PSMG2: variants seen among roughly 807,000 people sequenced by gnomAD.
The protein encoded by PSMG2 is CD40 ligand-activated specific transcript 3.
In PSMG2, 21 loss-of-function variants were observed where a neutral mutation model predicts 31.5. The observed-to-expected ratio is 0.67, with a 90% CI of 0.47 to 0.96. The LOEUF (loss-of-function observed/expected upper bound fraction) is 0.96, where lower values mean the gene tolerates loss of function less well. PSMG2 is among the 40% of genes least tolerant of loss of function. PSMG2 has a pLI of 0.00. For missense variants in PSMG2, 318 were observed against 321.2 expected, an observed-to-expected ratio of 0.99 and a Z score of 0.08; for synonymous variants, 120 against 110.4, an observed-to-expected ratio of 1.09 and a Z score of -0.54.
chr18:12,724,941 T>C (rs1389332288), intron 6 of PSMG2: 1 of 360,322 alleles, frequency 2.8e-6, no homozygotes, highest in Non-Finnish European at 4.9e-6. Flanking sequence ...CAGGAATTTT[T>C]TTAGGGAAGT....
upstream of PSMG2, chr18:12,702,639 T>C: frequency 1.4e-6 from 2 of 1,418,262 alleles, no homozygotes; most frequent in Non-Finnish European, 1.9e-6. Flanking sequence ...TAGGAGCGAC[T>C]GGAGCACAAA....
chr18:12,680,852 T>C (rs368605554), intron 1 of PSMG2: 16 of 1,576,116 alleles, frequency 1.0e-5, no homozygotes, highest in Middle Eastern at 1.7e-4. Context: ...TAAAATGAAG[T>C]ATTCATTCTT....
chr18:12,662,418 C>T (rs1335212036), intron 1 of PSMG2, among the ~76,000 whole-genome samples: 3 of 152,204 alleles, frequency 2.0e-5, no homozygotes, highest in Admixed American at 6.5e-5. Context: ...GAATTCAGGC[C>T]TCCTGACCAG....
chr18:12,709,324 G>GT (rs1185517601), intron 2 of PSMG2, among the ~76,000 whole-genome samples: 2 of 151,498 alleles, frequency 1.3e-5, no homozygotes, highest in Non-Finnish European at 2.9e-5. Flanking sequence ...GATTACAGGC[G>GT]TGAGCCACCG....
rs1010789568 is a variant in PSMG2 at position 12,703,054 on chromosome 18, C to T, written c.-54C>T. ...GTCTCGGGCTTCCGCCTTCTTGCTGCCCTCGTTCTTGCCAGGGCCGCGGTT... is the reference window on the plus strand; with the variant it reads ...GTCTCGGGCTTCCGCCTTCTTGCTGTCCTCGTTCTTGCCAGGGCCGCGGTT... On this transcript the variant is annotated 5_prime_UTR_variant, in exon 1 of 7. Transcript: ENST00000317615. 116 of 1,585,788 alleles carry T rather than the reference C, an allele frequency of 7.3e-5. No individual in the cohort carries two copies. Among genetic ancestry groups the T allele is most frequent in the South Asian group, 1.1e-4 (10 of 87,978 alleles).
intron 1 of PSMG2, among the ~76,000 whole-genome samples, chr18:12,677,276 C>CA: frequency 6.6e-6 from 1 of 151,802 alleles, no homozygotes; most frequent in East Asian, 1.9e-4. Flanking sequence ...CCTATCTCTA[C>CA]AAAAAATACA....
At chr18:12,704,791 G>A (rs1387977469) in intron 1 of PSMG2, among the ~76,000 whole-genome samples, 2 of 152,170 alleles carry the variant, frequency 1.3e-5, no homozygotes, top group Non-Finnish European at 2.9e-5. Context: ...GGAAAAGAAG[G>A]ATGGTACAGA....
At chr18:12,724,836 G>C (rs2040460714) in intron 6 of PSMG2, 1 of 456,130 alleles carries the variant, frequency 2.2e-6, no homozygotes. Flanking sequence ...TTTCCAAAAA[G>C]GAAAATCCTT....
chr18:12,694,970 C>T (rs563100349), intron 1 of PSMG2, among the ~76,000 whole-genome samples: 93 of 152,188 alleles, frequency 6.1e-4, no homozygotes, highest in Admixed American at 3.0e-3. Flanking sequence ...CCGCCTCGGC[C>T]TCCCAAAGTG....
Position 12,673,286 on chromosome 18 carries a change from A to G in PSMG2, c.-37+14513A>G, listed in dbSNP as rs549756777. 11 of 1,495,626 alleles carry G rather than the reference A, an allele frequency of 7.4e-6. No individual in the cohort carries two copies. The East Asian group carries it at 2.6e-4, about 36-fold the overall frequency. 92.6% of individuals were successfully genotyped at this position (1,495,626 alleles called of 1,614,324 possible). A position where few individuals can be genotyped will look rare whatever the true frequency, so the allele number is the denominator to read the frequency against. On this transcript the variant is annotated intron_variant, in intron 1 of 6. Transcript: ENST00000585331. ...GCCAGATTGTGATTTTAAAATAACA[A>G]ACCTCTAAATAGCTAAGTAATGTAC...
At chr18:12,712,083 G>A (rs1184362802) in intron 2 of PSMG2, among the ~76,000 whole-genome samples, 1 of 152,082 alleles carries the variant, frequency 6.6e-6, no homozygotes, top group African/African-American at 2.4e-5. Flanking sequence ...AATGAAGTTG[G>A]GCAGGGAAGC....
intron 1 of PSMG2, chr18:12,674,490 G>A: frequency 7.4e-7 from 1 of 1,352,092 alleles, no homozygotes; most frequent in Non-Finnish European, 1.1e-6. Flanking sequence ...GGACTGATCT[G>A]TAAGACTCCT....
At chr18:12,680,425 G>A (rs1247280155) in intron 1 of PSMG2, among the ~76,000 whole-genome samples, 1 of 151,766 alleles carries the variant, frequency 6.6e-6, no homozygotes, top group Non-Finnish European at 1.5e-5. Flanking sequence ...GTGAAAACTT[G>A]TCTCTACTAA....
intron 1 of PSMG2, chr18:12,658,818 A>G (rs1381682425): frequency 6.3e-6 from 2 of 319,714 alleles, no homozygotes; most frequent in Admixed American, 8.3e-5. Flanking sequence ...TTCCTCACTG[A>G]CTTCTCCCAA....
intron 1 of PSMG2, among the ~76,000 whole-genome samples, chr18:12,677,619 A>G (rs1436680895): frequency 6.6e-6 from 1 of 152,082 alleles, no homozygotes; most frequent in Non-Finnish European, 1.5e-5. Flanking sequence ...CCCAGTATAC[A>G]TATTTTTTCT....
intron 1 of PSMG2, among the ~76,000 whole-genome samples, chr18:12,695,882 A>ACACACACACC (rs2039938878): frequency 6.6e-6 from 1 of 151,752 alleles, no homozygotes; most frequent in African/African-American, 2.4e-5. Flanking sequence ...ACACACACAC[A>ACACACACACC]CACTAAAAAT....
chr18:12,668,597 CA>C (rs752216074), intron 1 of PSMG2, among the ~76,000 whole-genome samples: 3 of 72,830 alleles, frequency 4.1e-5, no homozygotes, highest in Admixed American at 2.3e-4. Context: ...GATTCCATCT[CA>C]AAAAAAAAAA....
At chr18:12,675,815 C>T (rs1320233502) in intron 1 of PSMG2, among the ~76,000 whole-genome samples, 3 of 151,958 alleles carry the variant, frequency 2.0e-5, no homozygotes, top group South Asian at 4.2e-4. Context: ...ACTACAGACA[C>T]CTGCCACCAT....
intron 1 of PSMG2, among the ~76,000 whole-genome samples, chr18:12,696,059 G>A (rs890968170): frequency 6.6e-6 from 1 of 152,066 alleles, no homozygotes; most frequent in East Asian, 1.9e-4. Context: ...ATCAGAATCT[G>A]CTTGTTTCCA....
Sources: allele counts gnomAD v4.1 joint callset (sites outside exome capture counted in the v4.1 genomes callset), GRCh38; gene constraint gnomAD v4.1.1; transcripts MANE v1.5; gene names NCBI Gene and HGNC (gene_info 2026-07-23, HGNC 2026-07-21).